Variants in MAP3K13 observed in about 807,000 individuals in gnomAD.
The protein encoded by MAP3K13 is mitogen-activated protein kinase kinase kinase 13.
In MAP3K13, 52 loss-of-function variants were observed where a neutral mutation model predicts 104.0. The ratio of observed to expected loss-of-function variants is 0.50; its 90% CI spans 0.40 to 0.63. MAP3K13 has a LOEUF of 0.63. Among genes scored for constraint, MAP3K13 ranks in the 20% least tolerant of loss-of-function variants. The pLI is 0.00. For synonymous variants in MAP3K13, 394 were observed against 442.2 expected (o/e 0.89, Z 1.37); for missense variants, 914 against 1,218.5 (o/e 0.75, Z 3.72).
intron 12 of MAP3K13, among the ~76,000 whole-genome samples, chr3:185,479,835 T>C (rs1309910908): frequency 6.6e-6 from 1 of 152,192 alleles, no homozygotes. Context: ...CCACCTTCTC[T>C]GTTTCCTCAC....
At chr3:185,402,693 GTGT>G (rs1483434768) in intron 1 of MAP3K13, among the ~76,000 whole-genome samples, 2 of 152,156 alleles carry the variant, frequency 1.3e-5, no homozygotes, top group African/African-American at 2.4e-5. Flanking sequence ...CCTGGGCGCT[GTGT>G]TGTTTGGCTT....
rs770336517 is a variant in MAP3K13, at chr3:185,395,357, CT to C, written c.-86+32008del. On this transcript the variant is annotated intron_variant, in intron 1 of 13. Transcript: ENST00000265026. Reference sequence around the variant, plus strand: ...AGGCATTTCTAATTCAATATTATTTCTTTTTTTTTTTTTTTTTTTGAGACGG... The same window carrying C: ...AGGCATTTCTAATTCAATATTATTTCTTTTTTTTTTTTTTTTTTGAGACGG... Among the ~76,000 whole-genome samples the C allele has an allele frequency of 1.6e-4, 11 of 69,978 alleles. 1 individual carries two copies. The highest frequency in any genetic ancestry group is 4.8e-4 in the African/African-American group (7 of 14,512). 45.9% of individuals were successfully genotyped at this position (69,978 alleles called of 152,430 possible). A position where few individuals can be genotyped will look rare whatever the true frequency, so the allele number is the denominator to read the frequency against.
intron 2 of MAP3K13, among the ~76,000 whole-genome samples, chr3:185,350,841 A>G (rs1723114218): frequency 6.6e-6 from 1 of 152,238 alleles, no homozygotes; most frequent in Admixed American, 6.5e-5. Flanking sequence ...CAGAACTACC[A>G]TTCGACATAG....
In MAP3K13 at chr3:185,482,547, T is replaced by C. The variant is rs761243132; in HGVS notation, c.*91T>C. 2 of 967,602 alleles carry C rather than the reference T, an allele frequency of 2.1e-6. No individual in the cohort carries two copies. The highest frequency in any genetic ancestry group is 3.2e-5 in the African/African-American group (2 of 62,572). The allele number at this position is 967,602 out of a possible 1,614,324, so 59.9% of individuals were successfully genotyped here. On this transcript the variant is annotated 3_prime_UTR_variant, in exon 14 of 14. Transcript: ENST00000265026. This position sits in a 1 kb window ranked among gnomAD's most constrained non-coding sequence, Gnocchi z 4.5. ...ACTCATCCCACTCTCTCCCAGCATT[T>C]TGTCTGGGAAGAGAGACTACCCCAT...
At chr3:185,365,891 CCTCCCCTCCCCTCCCCT>C (rs1723859101) in intron 1 of MAP3K13, among the ~76,000 whole-genome samples, 1 of 62,534 alleles carries the variant, frequency 1.6e-5, no homozygotes, top group Non-Finnish European at 3.2e-5. Context: ...CCTCCCCTCC[CCTCCCCTCCCCTCCCCT>C]CTCTTCCCCT....
rs528431455 is a variant in MAP3K13, at chr3:185,417,734, G to A, written c.-85-10763G>A. On this transcript the variant is annotated intron_variant, in intron 1 of 13. Transcript: ENST00000265026. ...GCAGCAGCTGCCTTATCCACCCGGA[G>A]CTTGTGATTCCTGGCCTGGCGAAGA... 10 of 1,612,564 alleles carry A rather than the reference G, an allele frequency of 6.2e-6. No individual in the cohort carries two copies. The East Asian group carries it at 2.2e-4, about 36-fold the overall frequency.
In MAP3K13 at chr3:185,351,895, G is replaced by A. The variant is rs144187669; in HGVS notation, c.-86+66252G>A. 4.2e-4 allele frequency among the ~76,000 whole-genome samples: 64 copies of A among 152,260 alleles called. 1 individual carries two copies. Among genetic ancestry groups the A allele is most frequent in the African/African-American group, 1.5e-3 (61 of 41,552 alleles). On this transcript the variant is annotated intron_variant, in intron 2 of 14. Transcript: ENST00000424227. ...GCTTTGATTCATTAGAATATTCAAA[G>A]CCCAGGGTTACTTCTATTTGTTCTG...
At chr3:185,317,669 G>A (rs1359956232) in intron 2 of MAP3K13, among the ~76,000 whole-genome samples, 2 of 152,022 alleles carry the variant, frequency 1.3e-5, no homozygotes, top group Non-Finnish European at 2.9e-5. Context: ...TCTTGAAGTG[G>A]GTAAACGTGA....
At chr3:185,460,957 T>C (rs1577600145) in intron 7 of MAP3K13, among the ~76,000 whole-genome samples, 2 of 152,232 alleles carry the variant, frequency 1.3e-5, no homozygotes, top group South Asian at 4.1e-4. Context: ...AGTATTTTAG[T>C]AGGATACAGT....
intron 1 of MAP3K13, among the ~76,000 whole-genome samples, chr3:185,377,087 G>A (rs1224259841): frequency 6.6e-6 from 1 of 152,096 alleles, no homozygotes; most frequent in Admixed American, 6.5e-5. Context: ...AGAGTATATG[G>A]CTTTGGCATC....
chr3:185,428,497 G>A lies in MAP3K13; in HGVS notation c.-85G>A. The A allele has an allele frequency of 6.7e-7, 1 of 1,489,118 alleles. No homozygotes were observed. The allele number at this position is 1,489,118 out of a possible 1,614,324, so 92.2% of individuals were successfully genotyped here. On this transcript the variant is annotated splice_region_variant and 5_prime_UTR_variant, in exon 2 of 14. Coordinates refer to ENST00000265026, the MANE Select transcript of MAP3K13 (RefSeq NM_004721.5). Reference sequence around the variant, plus strand: ...CTTATCTCCCTCCTGTTTTTCTCAGGTTTTGGAGCCCTCTCTTAAGTCAGA... The same window carrying A: ...CTTATCTCCCTCCTGTTTTTCTCAGATTTTGGAGCCCTCTCTTAAGTCAGA...
intron 2 of MAP3K13, among the ~76,000 whole-genome samples, chr3:185,320,877 G>T (rs1721829872): frequency 1.3e-5 from 2 of 152,140 alleles, no homozygotes. Context: ...GGTATACTGT[G>T]TACTACACTT....
At chr3:185,367,793 C>T (rs1723959825) in intron 1 of MAP3K13, among the ~76,000 whole-genome samples, 1 of 152,020 alleles carries the variant, frequency 6.6e-6, no homozygotes, top group Non-Finnish European at 1.5e-5. Flanking sequence ...ATGAGGTCTC[C>T]CTATGTCACC....
intron 2 of MAP3K13, among the ~76,000 whole-genome samples, chr3:185,303,672 C>G (rs151283782): frequency 1.3e-5 from 2 of 151,908 alleles, no homozygotes; most frequent in Non-Finnish European, 1.5e-5. Flanking sequence ...AATGTCTTCT[C>G]TTTTGTTTTT....
At chr3:185,317,355 A>G (rs1361153083) in intron 2 of MAP3K13, among the ~76,000 whole-genome samples, 3 of 152,204 alleles carry the variant, frequency 2.0e-5, no homozygotes, top group African/African-American at 4.8e-5. Context: ...TATGACTGGA[A>G]TGATCTTCAG....
chr3:185,355,746 A>G lies in MAP3K13; in HGVS notation c.-86+70103A>G, dbSNP rs1723326892. On this transcript the variant is annotated intron_variant, in intron 2 of 14. Transcript: ENST00000424227. The stretch of plus-strand genomic sequence containing the variant: ...AAATACACTTTTATAACCTTTGAAT[A>G]GAGAGAAATAGAAAAAAAAATTAAG... Among the ~76,000 whole-genome samples, 3 of 152,244 alleles carry G rather than the reference A, an allele frequency of 2.0e-5. No individual in the cohort carries two copies. In the South Asian group the frequency reaches 6.2e-4, roughly 31 times the overall value.
At chr3:185,323,690 T>C (rs946261501) in intron 2 of MAP3K13, among the ~76,000 whole-genome samples, 2 of 152,186 alleles carry the variant, frequency 1.3e-5, no homozygotes, top group African/African-American at 4.8e-5. Context: ...TATAATTTAA[T>C]TTACCAGTTC....
At chr3:185,321,186 C>T (rs1260029268) in intron 2 of MAP3K13, among the ~76,000 whole-genome samples, 1 of 149,574 alleles carries the variant, frequency 6.7e-6, no homozygotes, top group East Asian at 2.0e-4. Context: ...CACATATACA[C>T]ATGTGTATAT....
intron 2 of MAP3K13, among the ~76,000 whole-genome samples, chr3:185,317,972 A>G (rs971814693): frequency 1.3e-5 from 2 of 152,096 alleles, no homozygotes; most frequent in African/African-American, 4.8e-5. Context: ...AAAGAAAAAA[A>G]AAAAAGCGAA....
Sources: gnomAD v4.1 joint callset for allele counts (sites outside exome capture counted in the v4.1 genomes callset) on GRCh38, gnomAD v4.1.1 for gene constraint, Gnocchi (gnomAD v3.1) non-coding constraint, MANE v1.5 for transcripts, NCBI Gene and HGNC (gene_info 2026-07-23, HGNC 2026-07-21) for gene names.